The following FKBP8 variants were observed in gnomAD, a reference collection of about 807,000 sequenced individuals.
FKBP8 encodes FKBP prolyl isomerase 8.
A neutral mutation model predicts 41.7 loss-of-function variants in FKBP8; 5 were observed. The observed-to-expected ratio is 0.12, with a 90% CI of 0.06 to 0.25. FKBP8 has a LOEUF of 0.25. FKBP8 is among the 10% of genes least tolerant of loss of function. FKBP8 has a pLI of 1.00. For missense variants in FKBP8, 397 were observed against 563.0 expected (o/e 0.71, Z 2.98); for synonymous variants, 279 against 254.5 (o/e 1.10, Z -0.92).
chr19:18,542,810 C>T (rs1976736856), intron 1 of FKBP8: 1 of 969,594 alleles, frequency 1.0e-6, no homozygotes, highest in Non-Finnish European at 1.4e-6. Context: ...CCAACCCCTC[C>T]GTCCCCCAGG....
In FKBP8 at chr19:18,534,475, C is replaced by G. The variant is rs564712148; in HGVS notation, c.946-1128G>C. On this transcript the variant is annotated intron_variant, in intron 6 of 8. Coordinates refer to ENST00000608443, the MANE Select transcript of FKBP8 (RefSeq NM_012181.5). ...TTGGCATTGGTCCCCGCAACATGCT[C>G]CTCCTTCCTGTCTCAGCTGCAGATC... 7.6e-4 allele frequency among the ~76,000 whole-genome samples: 115 copies of G among 152,284 alleles called. 1 individual carries two copies. Among genetic ancestry groups the G allele is most frequent in the African/African-American group, 2.5e-3 (103 of 41,552 alleles).
chr19:18,539,798 C>T, intron 2 of FKBP8, 78 bp from the exon 3 acceptor site: 2 of 1,524,216 alleles, frequency 1.3e-6, no homozygotes, highest in Non-Finnish European at 8.9e-7. Context: ...CCCACTCCTA[C>T]CCTCAGCTCT....
At chr19:18,535,365 T>G (rs1424520929) in intron 6 of FKBP8, among the ~76,000 whole-genome samples, 1 of 152,128 alleles carries the variant, frequency 6.6e-6, no homozygotes, top group Non-Finnish European at 1.5e-5. Context: ...CTGGCCCTGA[T>G]GTTTCCAAAG....
In FKBP8 at chr19:18,538,141, C is replaced by T. The variant is rs916226159; in HGVS notation, c.772+75G>A. ...TAGAATATTCTGAGTCTGAGGCTCT[C>T]TGGGGCTGGAAGTTTCTGGCACGGA... On this transcript the variant is annotated intron_variant, in intron 5 of 8. Coordinates refer to ENST00000608443, the MANE Select transcript of FKBP8 (RefSeq NM_012181.5). This position sits in a 1 kb window ranked among gnomAD's most constrained non-coding sequence, Gnocchi z 4.0. The T allele has an allele frequency of 2.1e-6, 3 of 1,452,682 alleles. No homozygotes were observed. In the African/African-American group the frequency reaches 4.2e-5, roughly 20 times the overall value. The allele number at this position is 1,452,682 out of a possible 1,614,324, so 90.0% of individuals were successfully genotyped here.
chr19:18,533,095 G>A (rs1976486312), intron 7 of FKBP8, 175 bp downstream of exon 7: 3 of 683,818 alleles, frequency 4.4e-6, no homozygotes, highest in Non-Finnish European at 2.4e-6. Flanking sequence ...AGCCCAGACT[G>A]CCTGTGTGGC....
intron 1 of FKBP8, 43 bp from the exon 2 acceptor site, chr19:18,542,038 C>G: frequency 6.4e-7 from 1 of 1,562,858 alleles, no homozygotes; most frequent in African/African-American, 1.3e-5. Context: ...TCCTACACAG[C>G]CCCTCAAAGT....
chr19:18,534,641 G>C (rs1976529298), intron 6 of FKBP8, among the ~76,000 whole-genome samples: 1 of 151,866 alleles, frequency 6.6e-6, no homozygotes, highest in African/African-American at 2.4e-5. Context: ...GAGTGCAATG[G>C]CATGATCATA....
intron 1 of FKBP8, chr19:18,542,224 G>T: frequency 2.0e-6 from 1 of 509,640 alleles, no homozygotes; most frequent in Non-Finnish European, 3.4e-6. Flanking sequence ...CATTATTAGA[G>T]CTAATTATTA....
rs1258857915 is a variant in FKBP8 at position 18,539,359 on chromosome 19, GCTGA to G, written c.551+8_551+11del. 1.9e-6 allele frequency: 3 copies of G among 1,608,522 alleles called. No individual in the cohort carries two copies. The highest frequency in any genetic ancestry group is 2.0e-4 in the Middle Eastern group (1 of 4,894). On this transcript the variant is annotated splice_region_variant and intron_variant, in intron 4 of 8. Transcript: ENST00000608443. ...TGAGACCTGCAGAGACCTAAGGGTG[GCTGA>G]CTCTCACCTGCCTTGGGGGCCGTAG...
intron 6 of FKBP8, among the ~76,000 whole-genome samples, chr19:18,535,220 CTTAA>C (rs1221333384): frequency 6.6e-6 from 1 of 152,094 alleles, no homozygotes; most frequent in Non-Finnish European, 1.5e-5. Context: ...ACGCCCAGCC[CTTAA>C]TTATTTTTTA....
intron 2 of FKBP8, 66 bp from the exon 3 acceptor site, chr19:18,539,786 C>A (rs1441861052): frequency 6.4e-7 from 1 of 1,558,772 alleles, no homozygotes; most frequent in Non-Finnish European, 8.7e-7. Context: ...CTCCCCTGAG[C>A]CCCCACTCCT....
chr19:18,538,494 TG>T lies in FKBP8; in HGVS notation c.552-59del. The T allele has an allele frequency of 1.4e-5, 20 of 1,460,916 alleles. No homozygotes were observed. Among genetic ancestry groups the T allele is most frequent in the Non-Finnish European group, 1.9e-5 (20 of 1,073,812 alleles). The allele number at this position is 1,460,916 out of a possible 1,614,324, so 90.5% of individuals were successfully genotyped here. On this transcript the variant is annotated intron_variant, in intron 4 of 8. Transcript: ENST00000608443. This position sits in a 1 kb window ranked among gnomAD's most constrained non-coding sequence, Gnocchi z 4.0. Reference sequence around the variant, plus strand: ...CAGACCTGGTGACCCCTAAACCCGCTGGGCTGGCTAGGAAGGAGTGAGCTTG... The same window carrying T: ...CAGACCTGGTGACCCCTAAACCCGCTGGCTGGCTAGGAAGGAGTGAGCTTG...
At position 18,531,966 on chromosome 19, in the gene FKBP8, A is replaced by C; in HGVS notation, c.*203T>G. On this transcript the variant is annotated 3_prime_UTR_variant, in exon 9 of 9. Coordinates refer to ENST00000608443, the MANE Select transcript of FKBP8 (RefSeq NM_012181.5). ...GTGGGGGAAAACTGGGTCTGAAGGA[A>C]TGAGGGCCCCCTCCCTCTGGGCTTT... 3.4e-6 allele frequency: 2 copies of C among 583,050 alleles called. No individual in the cohort carries two copies. Among genetic ancestry groups the C allele is most frequent in the Non-Finnish European group, 6.2e-6 (2 of 321,962 alleles). The allele number at this position is 583,050 out of a possible 1,614,324, so 36.1% of individuals were successfully genotyped here.
intron 8 of FKBP8, 156 bp downstream of exon 8, chr19:18,532,508 G>A (rs754069518): frequency 1.1e-4 from 134 of 1,206,456 alleles, no homozygotes; most frequent in Non-Finnish European, 1.4e-4. Flanking sequence ...TTCCACCTTC[G>A]ACTCCACTCA....
In FKBP8 at chr19:18,537,973, T is replaced by C. The variant is rs1015206488; in HGVS notation, c.773-200A>G. On this transcript the variant is annotated intron_variant, in intron 5 of 8. Transcript: ENST00000608443. This position sits in a 1 kb window ranked among gnomAD's most constrained non-coding sequence, Gnocchi z 4.4. ...AAGCGAGGGCCTAGCCTGTGGTACA[T>C]GTGAACTGGCCCTGTCTATGGTCAC... 2 of 674,350 alleles carry C rather than the reference T, an allele frequency of 3.0e-6. No individual in the cohort carries two copies. The highest frequency in any genetic ancestry group is 4.9e-6 in the Non-Finnish European group (2 of 404,162). The allele number at this position is 674,350 out of a possible 1,614,324, so 41.8% of individuals were successfully genotyped here. A position where few individuals can be genotyped will look rare whatever the true frequency, so the allele number is the denominator to read the frequency against.
rs1443905069 is a variant in FKBP8, at chr19:18,543,020, G to A, written c.-26+466C>T. The A allele has an allele frequency of 8.3e-6, 5 of 604,084 alleles. No homozygotes were observed. The African/African-American group carries it at 1.1e-4, about 13-fold the overall frequency. The allele number at this position is 604,084 out of a possible 1,614,324, so 37.4% of individuals were successfully genotyped here. ...CCCAACCACCACCGCCCCCAGCACG[G>A]GCCAGCTCCCCCCACAGCCGCTCCG... On this transcript the variant is annotated intron_variant, in intron 1 of 8. Coordinates refer to ENST00000608443, the MANE Select transcript of FKBP8 (RefSeq NM_012181.5).
chr19:18,535,714 ACT>A (rs1347307664), intron 6 of FKBP8, among the ~76,000 whole-genome samples: 2 of 139,680 alleles, frequency 1.4e-5, no homozygotes, highest in Admixed American at 7.7e-5. Context: ...ACAGAGCAAG[ACT>A]CTGTCTCAAA....
At position 18,538,571 on chromosome 19, in the gene FKBP8, G is replaced by T. The variant is rs1261045327; in HGVS notation, c.552-135C>A. The T allele has an allele frequency of 2.8e-6, 2 of 714,334 alleles. No homozygotes were observed. Among genetic ancestry groups the T allele is most frequent in the Non-Finnish European group, 4.5e-6 (2 of 441,600 alleles). The allele number at this position is 714,334 out of a possible 1,614,324, so 44.2% of individuals were successfully genotyped here. A position where few individuals can be genotyped will look rare whatever the true frequency, so the allele number is the denominator to read the frequency against. ...TCTGCCCTCCATCATTCCCTCCTCA[G>T]TAAAGTGCAGGGGAAGTGACTTGCC... On this transcript the variant is annotated intron_variant, in intron 4 of 8. Coordinates refer to ENST00000608443, the MANE Select transcript of FKBP8 (RefSeq NM_012181.5). This position sits in a 1 kb window ranked among gnomAD's most constrained non-coding sequence, Gnocchi z 4.0.
In FKBP8 at chr19:18,537,502, G is replaced by T; in HGVS notation, c.945+99C>A. On this transcript the variant is annotated intron_variant, in intron 6 of 8. Coordinates refer to ENST00000608443, the MANE Select transcript of FKBP8 (RefSeq NM_012181.5). The surrounding 1 kb of genome is among the most constrained non-coding windows in gnomAD (Gnocchi z 4.4). The stretch of plus-strand genomic sequence containing the variant: ...CTCCACCTGCACCCCACAGAGCTCA[G>T]CTGGCTTATATACCTATGCCTTTCT... 8.5e-7 allele frequency: 1 copy of T among 1,180,370 alleles called. No homozygotes were observed. The highest frequency in any genetic ancestry group is 1.1e-6 in the Non-Finnish European group (1 of 874,818). The allele number at this position is 1,180,370 out of a possible 1,614,324, so 73.1% of individuals were successfully genotyped here.
Sources: gnomAD v4.1 joint callset for allele counts (sites outside exome capture counted in the v4.1 genomes callset) on GRCh38, gnomAD v4.1.1 for gene constraint, Gnocchi (gnomAD v3.1) non-coding constraint, MANE v1.5 for transcripts, NCBI Gene and HGNC (gene_info 2026-07-23, HGNC 2026-07-21) for gene names.